RPS6KA2: variants seen among roughly 807,000 people sequenced by gnomAD.
RPS6KA2 encodes ribosomal protein S6 kinase alpha-2.
A neutral mutation model predicts 91.8 loss-of-function variants in RPS6KA2; 42 were observed. The observed-to-expected ratio is 0.46, with a 90% confidence interval of 0.36 to 0.59. The LOEUF is 0.59. Among genes scored for constraint, RPS6KA2 ranks in the 20% least tolerant of loss-of-function variants. The pLI, the probability that RPS6KA2 is intolerant of heterozygous loss-of-function variation, is 0.00. For missense variants in RPS6KA2, 798 were observed against 978.5 expected, an observed-to-expected ratio of 0.82 and a Z score of 2.46; for synonymous variants, 414 against 393.6, an observed-to-expected ratio of 1.05 and a Z score of -0.61.
rs1209307639 is a variant in RPS6KA2 at position 166,563,857 on chromosome 6, C to A, written c.100-25073G>T. ...AAAAAAAGTTTCTCATGTTTGCCATCCATTTACAAATGAGCTTTACCTATT... is the reference window on the plus strand; with the variant it reads ...AAAAAAAGTTTCTCATGTTTGCCATACATTTACAAATGAGCTTTACCTATT... On this transcript the variant is annotated intron_variant, in intron 1 of 20. Transcript: ENST00000265678. This position sits in a 1 kb window ranked among gnomAD's most constrained non-coding sequence, Gnocchi z 4.1. 6.6e-6 allele frequency among the ~76,000 whole-genome samples: 1 copy of A among 152,174 alleles called. No individual in the cohort carries two copies. The highest frequency in any genetic ancestry group is 1.5e-5 in the Non-Finnish European group (1 of 68,034).
In RPS6KA2 at chr6:166,852,588, C is replaced by G. The variant is rs1780772667; in HGVS notation, c.123+5612G>C. Among the ~76,000 whole-genome samples the G allele has an allele frequency of 6.6e-6, 1 of 152,170 alleles. No homozygotes were observed. The highest frequency in any genetic ancestry group is 2.1e-4 in the South Asian group (1 of 4,836). On this transcript the variant is annotated intron_variant, in intron 2 of 21. Transcript: ENST00000503859. The surrounding 1 kb of genome is among the most constrained non-coding windows in gnomAD (Gnocchi z 4.1). ...ACCCGGCCTGGCTCTCTCTTTCACC[C>G]TTTCTGCCTGTTGCCACGAGTCTCT...
intron 2 of RPS6KA2, among the ~76,000 whole-genome samples, chr6:166,694,480 G>C (rs550029758): frequency 6.6e-6 from 1 of 152,146 alleles, no homozygotes; most frequent in East Asian, 1.9e-4. Flanking sequence ...TTCTAGTAAC[G>C]TCCAGGATAA....
chr6:166,409,883 TCAAA>T lies in RPS6KA2; in HGVS notation c.*2875_*2878del, dbSNP rs1391817903. 1 of 152,468 alleles carries T rather than the reference TCAAA, an allele frequency of 6.6e-6. No individual in the cohort carries two copies. Among genetic ancestry groups the T allele is most frequent in the African/African-American group, 2.4e-5 (1 of 41,452 alleles). 9.4% of individuals were successfully genotyped at this position (152,468 alleles called of 1,614,324 possible). Reference sequence around the variant, plus strand: ...TTAAGTACTATTATCACTTTAAAATTCAAACAATCTTCCAAACATCAATACATAC... The same window carrying T: ...TTAAGTACTATTATCACTTTAAAATTCAATCTTCCAAACATCAATACATAC... On this transcript the variant is annotated 3_prime_UTR_variant, in exon 21 of 21. Coordinates refer to ENST00000265678, the MANE Select transcript of RPS6KA2 (RefSeq NM_021135.6).
intron 2 of RPS6KA2, among the ~76,000 whole-genome samples, chr6:166,796,051 T>A (rs1448662178): frequency 6.6e-6 from 1 of 151,820 alleles, no homozygotes; most frequent in East Asian, 1.9e-4. Flanking sequence ...GCTTTTCTTA[T>A]CTGACCAGCA....
At chr6:166,824,580 C>CTGTGTG (rs373634779) in intron 2 of RPS6KA2, among the ~76,000 whole-genome samples, 10 of 149,044 alleles carry the variant, frequency 6.7e-5, no homozygotes, top group Non-Finnish European at 1.5e-4. Context: ...GTGTCTGTGT[C>CTGTGTG]TGTGTGTGTG....
At chr6:166,833,095 T>C (rs2128627105) in intron 2 of RPS6KA2, among the ~76,000 whole-genome samples, 1 of 152,346 alleles carries the variant, frequency 6.6e-6, no homozygotes, top group East Asian at 1.9e-4. Context: ...AGCCAAGCAC[T>C]TGCATGGTAC....
chr6:166,574,313 C>G, intron 1 of RPS6KA2, among the ~76,000 whole-genome samples: 1 of 152,146 alleles, frequency 6.6e-6, no homozygotes, highest in East Asian at 1.9e-4. Context: ...ACATGCCCCT[C>G]CTTCCCTCCT....
intron 1 of RPS6KA2, among the ~76,000 whole-genome samples, chr6:166,619,289 G>A (rs775284336): frequency 3.9e-5 from 6 of 152,236 alleles, no homozygotes; most frequent in Non-Finnish European, 7.3e-5. Flanking sequence ...CCCGCAGCCC[G>A]TCTGTTCAGT....
At position 166,495,213 on chromosome 6, in the gene RPS6KA2, T is replaced by C. The variant is rs999286968; in HGVS notation, c.747+3295A>G. 6.6e-6 allele frequency among the ~76,000 whole-genome samples: 1 copy of C among 152,138 alleles called. No individual in the cohort carries two copies. Among genetic ancestry groups the C allele is most frequent in the African/African-American group, 2.4e-5 (1 of 41,426 alleles). The stretch of plus-strand genomic sequence containing the variant: ...CCGTCTTTCCTGCCCGGCTTGGAGA[T>C]TGTTGGGTTGAGATCAAATGTGAAG... On this transcript the variant is annotated intron_variant, in intron 8 of 20. Coordinates refer to ENST00000265678, the MANE Select transcript of RPS6KA2 (RefSeq NM_021135.6). This position sits in a 1 kb window ranked among gnomAD's most constrained non-coding sequence, Gnocchi z 4.4.
intron 2 of RPS6KA2, among the ~76,000 whole-genome samples, chr6:166,857,867 C>T (rs572293240): frequency 6.6e-6 from 1 of 152,322 alleles, no homozygotes; most frequent in East Asian, 1.9e-4. Context: ...GGCTTCCATG[C>T]CAGCTGGTTA....
At chr6:166,650,744 T>C (rs1291975481) in intron 2 of RPS6KA2, among the ~76,000 whole-genome samples, 1 of 152,218 alleles carries the variant, frequency 6.6e-6, no homozygotes, top group African/African-American at 2.4e-5. Context: ...TGGTTCTCTC[T>C]CTGTCTCCAG....
At chr6:166,420,973 A>G (rs892984405) in intron 17 of RPS6KA2, among the ~76,000 whole-genome samples, 1 of 152,116 alleles carries the variant, frequency 6.6e-6, no homozygotes, top group African/African-American at 2.4e-5. Context: ...GCTCGGCTCA[A>G]TTTCCTTAGA....
intron 2 of RPS6KA2, among the ~76,000 whole-genome samples, chr6:166,663,089 A>G (rs1051274205): frequency 6.6e-6 from 1 of 152,168 alleles, no homozygotes; most frequent in African/African-American, 2.4e-5. Flanking sequence ...TACTTCTAAA[A>G]GGATGAACCA....
At chr6:166,777,847 G>GA (rs1267783866) in intron 2 of RPS6KA2, among the ~76,000 whole-genome samples, 4 of 151,470 alleles carry the variant, frequency 2.6e-5, no homozygotes, top group African/African-American at 9.7e-5. Context: ...GAGAGAGAGA[G>GA]AAAAGAGAAG....
At chr6:166,788,159 T>C (rs1778981623) in intron 2 of RPS6KA2, among the ~76,000 whole-genome samples, 2 of 152,128 alleles carry the variant, frequency 1.3e-5, no homozygotes, top group Admixed American at 6.5e-5. Flanking sequence ...CTAGTCAGAA[T>C]GGCAATCATT....
chr6:166,586,406 C>T lies in RPS6KA2; in HGVS notation c.99+40515G>A, dbSNP rs574598330. On this transcript the variant is annotated intron_variant, in intron 1 of 20. Coordinates refer to ENST00000265678, the MANE Select transcript of RPS6KA2 (RefSeq NM_021135.6). ...GGCGTTTCAGGTATTCCTGATACTCCTTGTCATTTTCTGTGAATCTACTAG... is the reference window on the plus strand; with the variant it reads ...GGCGTTTCAGGTATTCCTGATACTCTTTGTCATTTTCTGTGAATCTACTAG... 1.3e-6 allele frequency: 2 copies of T among 1,599,996 alleles called. 1 individual carries two copies. Among genetic ancestry groups the T allele is most frequent in the African/African-American group, 3.2e-5 (2 of 61,562 alleles).
chr6:166,672,288 G>A (rs1788493942), intron 2 of RPS6KA2, among the ~76,000 whole-genome samples: 1 of 152,092 alleles, frequency 6.6e-6, no homozygotes, highest in African/African-American at 2.4e-5. Flanking sequence ...CACCACAAGC[G>A]ATACTCAACC....
At position 166,480,479 on chromosome 6, in the gene RPS6KA2, T is replaced by TTATATATATA. The variant is rs3066214; in HGVS notation, c.907+8344_907+8353dup. ...TCTTATATTCCTTAAGATTGTGATT[T>TTATATATATA]TATATATATATATATATATATATAT... On this transcript the variant is annotated intron_variant, in intron 10 of 20. Transcript: ENST00000265678. Among the ~76,000 whole-genome samples the TTATATATATA allele has an allele frequency of 5.7e-3, 565 of 99,744 alleles. 2 individuals are homozygous for TTATATATATA. Among genetic ancestry groups the TTATATATATA allele is most frequent in the African/African-American group, 8.6e-3 (179 of 20,928 alleles). 65.4% of individuals were successfully genotyped at this position (99,744 alleles called of 152,430 possible).
chr6:166,544,790 T>C (rs1783773134), intron 1 of RPS6KA2: 1 of 152,194 alleles, frequency 6.6e-6, no homozygotes, highest in Non-Finnish European at 1.5e-5. Context: ...TGTGAGCAAA[T>C]GTGAAATGAA....
Sources: allele counts gnomAD v4.1 joint callset (sites outside exome capture counted in the v4.1 genomes callset), GRCh38; gene constraint gnomAD v4.1.1; non-coding constraint Gnocchi (gnomAD v3.1); transcripts MANE v1.5; gene names NCBI Gene and HGNC (gene_info 2026-07-23, HGNC 2026-07-21).